POLB: variants seen among roughly 807,000 people sequenced by gnomAD.
The protein encoded by POLB is DNA polymerase beta.
Under a neutral mutation model 52.7 loss-of-function variants are expected in POLB, and 37 were observed. The ratio of observed to expected loss-of-function variants is 0.70; its 90% CI spans 0.54 to 0.92. The LOEUF is 0.92. Ranked by LOEUF, POLB falls within the 40% of genes least tolerant of loss-of-function variation. POLB has a pLI of 0.00. For missense variants in POLB, 313 were observed against 400.8 expected (o/e 0.78, Z 1.87); for synonymous variants, 138 against 131.3 (o/e 1.05, Z -0.35).
intron 4 of POLB, 97 bp downstream of exon 4, chr8:42,349,187 T>G: frequency 1.5e-6 from 1 of 671,862 alleles, no homozygotes; most frequent in Non-Finnish European, 2.6e-6. Flanking sequence ...TTCACTGTAG[T>G]GAGACTCACA....
intron 2 of POLB, chr8:42,340,244 A>T (rs1822117407): frequency 6.6e-6 from 1 of 152,176 alleles, no homozygotes; most frequent in African/African-American, 2.4e-5. Context: ...TAATCTGAAA[A>T]TTTGAAATGC....
At chr8:42,345,148 T>C (rs1350899358) in intron 3 of POLB, 129 bp downstream of exon 3, 4 of 647,342 alleles carry the variant, frequency 6.2e-6, no homozygotes, top group African/African-American at 1.8e-5. Context: ...TCCTGATTTC[T>C]TGGAATAACA....
intron 2 of POLB, chr8:42,342,417 C>A (rs756666486): frequency 1.9e-5 from 27 of 1,429,352 alleles, no homozygotes; most frequent in Middle Eastern, 2.4e-4. Context: ...CGCAGACTAT[C>A]ATATCCCCCT....
intron 2 of POLB, chr8:42,339,439 C>A (rs1044546729): frequency 3.0e-5 from 7 of 236,600 alleles, no homozygotes; most frequent in Admixed American, 5.2e-5. Context: ...TAAAGTTGAT[C>A]CTGTGGGATC....
intron 9 of POLB, among the ~76,000 whole-genome samples, chr8:42,358,336 A>G (rs897403386): frequency 1.3e-5 from 2 of 151,916 alleles, no homozygotes; most frequent in African/African-American, 2.4e-5. Context: ...CCCCATCTCT[A>G]CTAAAAATAC....
rs376765603 is a variant in POLB, at chr8:42,362,606, C to T, written c.622-6C>T. On this transcript the variant is annotated splice_polypyrimidine_tract_variant and splice_region_variant and intron_variant, in intron 10 of 13. Transcript: ENST00000265421. The stretch of plus-strand genomic sequence containing the variant: ...TTTTTCTTATTCCCTAATTATGATT[C>T]TACAGCCAAAACTGTTACATCAGGT... 1.0e-4 allele frequency: 163 copies of T among 1,571,684 alleles called. No individual in the cohort carries two copies. The highest frequency in any genetic ancestry group is 1.4e-4 in the Non-Finnish European group (156 of 1,144,454).
At chr8:42,365,132 G>A (rs1823960708) in intron 11 of POLB, among the ~76,000 whole-genome samples, 1 of 152,104 alleles carries the variant, frequency 6.6e-6, no homozygotes, top group South Asian at 2.1e-4. Flanking sequence ...TAAATTGTAT[G>A]TTGTGTATAT....
chr8:42,351,366 C>T (rs1481172278), intron 5 of POLB, among the ~76,000 whole-genome samples: 1 of 152,186 alleles, frequency 6.6e-6, no homozygotes, highest in Non-Finnish European at 1.5e-5. Context: ...ATGATATTTG[C>T]ATAGCTTACT....
intron 2 of POLB, chr8:42,342,631 C>G (rs1822276823): frequency 3.0e-5 from 19 of 642,394 alleles, no homozygotes; most frequent in South Asian, 2.3e-4. Flanking sequence ...TTAACAAAGT[C>G]CATCCTGTGG....
intron 3 of POLB, 95 bp from the exon 4 acceptor site, chr8:42,348,921 C>T (rs1442398076): frequency 4.6e-6 from 3 of 650,614 alleles, no homozygotes; most frequent in Admixed American, 2.8e-5. Flanking sequence ...ACATGGTATT[C>T]ATTTGTTTTT....
At chr8:42,340,877 T>C (rs1485469051) in intron 2 of POLB, among the ~76,000 whole-genome samples, 1 of 152,226 alleles carries the variant, frequency 6.6e-6, no homozygotes, top group Non-Finnish European at 1.5e-5. Flanking sequence ...ATTACAGAGA[T>C]ATTCAACTTT....
At chr8:42,349,760 A>T (rs1206564434) in intron 4 of POLB, among the ~76,000 whole-genome samples, 1 of 152,226 alleles carries the variant, frequency 6.6e-6, no homozygotes, top group African/African-American at 2.4e-5. Context: ...GATAGTAATT[A>T]TATCACTTCT....
At chr8:42,363,546 A>G (rs1397360314) in intron 11 of POLB, among the ~76,000 whole-genome samples, 1 of 150,956 alleles carries the variant, frequency 6.6e-6, no homozygotes, top group Non-Finnish European at 1.5e-5. Flanking sequence ...AAAAAAAAAA[A>G]AAAAAAAAAA....
chr8:42,342,627 A>C, intron 2 of POLB: 1 of 648,866 alleles, frequency 1.5e-6, no homozygotes. Context: ...AACTTTAACA[A>C]AGTCCATCCT....
chr8:42,369,401 G>T, intron 12 of POLB, 66 bp downstream of exon 12: 2 of 919,708 alleles, frequency 2.2e-6, no homozygotes, highest in South Asian at 1.4e-5. Flanking sequence ...CTCCCTCCCT[G>T]TTTGTATCTT....
chr8:42,346,689 T>G (rs1822636033), intron 3 of POLB, among the ~76,000 whole-genome samples: 1 of 152,172 alleles, frequency 6.6e-6, no homozygotes, highest in Non-Finnish European at 1.5e-5. Context: ...CCACCATGAC[T>G]GGACCATAAC....
intron 9 of POLB, chr8:42,361,053 G>T: frequency 4.6e-6 from 3 of 649,174 alleles, no homozygotes; most frequent in Non-Finnish European, 5.7e-6. Flanking sequence ...TTAACTCGTT[G>T]TATGCAATGT....
intron 6 of POLB, among the ~76,000 whole-genome samples, chr8:42,353,792 C>T (rs978494532): frequency 6.6e-5 from 10 of 152,044 alleles, no homozygotes; most frequent in African/African-American, 1.9e-4. Context: ...GACCTTATTG[C>T]GTCAGTTTCA....
intron 2 of POLB, chr8:42,342,616 C>T: frequency 1.5e-6 from 1 of 667,920 alleles, no homozygotes; most frequent in South Asian, 1.7e-5. Flanking sequence ...TTATTCTTAA[C>T]AACTTTAACA....
Sources: allele counts gnomAD v4.1 joint callset (sites outside exome capture counted in the v4.1 genomes callset), GRCh38; gene constraint gnomAD v4.1.1; transcripts MANE v1.5; gene names NCBI Gene and HGNC (gene_info 2026-07-23, HGNC 2026-07-21).